CD163: variants seen among roughly 807,000 people sequenced by gnomAD.
The protein encoded by CD163 is scavenger receptor cysteine-rich type 1 protein M130.
A neutral mutation model predicts 129.2 loss-of-function variants in CD163; 64 were observed. The observed-to-expected ratio is 0.50, with a 90% CI of 0.41 to 0.61. The LOEUF (loss-of-function observed/expected upper bound fraction) is 0.61. Ranked by LOEUF, CD163 falls within the 20% of genes least tolerant of loss-of-function variation. The pLI, the probability that CD163 is intolerant of heterozygous loss-of-function variation, is 0.00. For missense variants in CD163, 1,061 were observed against 1,377.9 expected (o/e 0.77, Z 3.64); for synonymous variants, 446 against 478.5 (o/e 0.93, Z 0.89).
At chr12:7,490,259 T>A (rs1949310001) in intron 6 of CD163, among the ~76,000 whole-genome samples, 1 of 151,976 alleles carries the variant, frequency 6.6e-6, no homozygotes, top group Non-Finnish European at 1.5e-5. Flanking sequence ...AAACAATCTT[T>A]AAGGAATATG....
chr12:7,486,516 G>T lies in CD163; in HGVS notation c.2441C>A (p.Ala814Glu). The T allele has an allele frequency of 6.2e-7, 1 of 1,613,846 alleles. No homozygotes were observed. Among genetic ancestry groups the T allele is most frequent in the Non-Finnish European group, 8.5e-7 (1 of 1,179,816 alleles). ...GQQNCRHKED[A>E]GVICSEFMSL... ...TAATTTACCTGAGCAGATAACTCCC[G>T]CATCCTCCTTGTGCCTGCAATTTTG... The change falls in exon 10 of 17, where the codon GCG becomes GAG. Residue 814 changes from alanine (A) to glutamate (E), a missense_variant. Transcript: ENST00000432237.
chr12:7,476,319 G>A lies in CD163; in HGVS notation c.*31+3541C>T, dbSNP rs143736947. On this transcript the variant is annotated intron_variant, in intron 16 of 16. Transcript: ENST00000432237. ...AAAAGAACAGAGCTGGAAGCATCAC[G>A]CTATCTGACTTCAAACTTACTGCAA... Among the ~76,000 whole-genome samples the A allele has an allele frequency of 1.1e-3, 172 of 152,218 alleles. 1 individual carries two copies. The highest frequency in any genetic ancestry group is 3.8e-3 in the African/African-American group (159 of 41,548).
At chr12:7,491,530 A>G (rs1949327204) in intron 6 of CD163, among the ~76,000 whole-genome samples, 3 of 152,108 alleles carry the variant, frequency 2.0e-5, no homozygotes, top group Non-Finnish European at 4.4e-5. Context: ...TTCCCCTGGC[A>G]TAAGTAACTG....
chr12:7,498,033 G>T (rs1949425972), intron 4 of CD163, among the ~76,000 whole-genome samples: 1 of 152,054 alleles, frequency 6.6e-6, no homozygotes, highest in African/African-American at 2.4e-5. Flanking sequence ...ATCCAACCAT[G>T]CATGAGGCTA....
chr12:7,483,022 G>C lies in CD163; in HGVS notation c.3089-18C>G, dbSNP rs1276690988. On this transcript the variant is annotated intron_variant, in intron 12 of 16. Transcript: ENST00000432237. ...TGAAATATCTGTAGGAGAAAAGAAA[G>C]AGAGAGGGTTAATTCTTTGCATGAT... 3 of 1,612,044 alleles carry C rather than the reference G, an allele frequency of 1.9e-6. No homozygotes were observed. The highest frequency in any genetic ancestry group is 2.5e-6 in the Non-Finnish European group (3 of 1,179,092).
At chr12:7,475,459 A>G (rs1476499649) in intron 16 of CD163, among the ~76,000 whole-genome samples, 1 of 152,232 alleles carries the variant, frequency 6.6e-6, no homozygotes, top group Non-Finnish European at 1.5e-5. Flanking sequence ...AACGTAATCC[A>G]TCATATAAAC....
chr12:7,503,305 A>T (rs187597095), intron 1 of CD163, among the ~76,000 whole-genome samples: 2 of 152,240 alleles, frequency 1.3e-5, no homozygotes, highest in South Asian at 4.1e-4. Context: ...ATCAGAGTAG[A>T]TAACTTTCTT....
Position 7,481,024 on chromosome 12 carries a change from T to C in CD163, c.3343+137A>G, listed in dbSNP as rs375298330. 492 of 1,393,158 alleles carry C rather than the reference T, an allele frequency of 3.5e-4. 2 individuals carry two copies. In the South Asian group the frequency reaches 4.3e-3, roughly 12 times the overall value. 86.3% of individuals were successfully genotyped at this position (1,393,158 alleles called of 1,614,324 possible). On this transcript the variant is annotated intron_variant, in intron 15 of 16. Transcript: ENST00000432237. ...CTCCAAGAATAATTTTCAGTCATTC[T>C]TGTCCATTATATGCATCTAAGCTTC...
At position 7,496,765 on chromosome 12, in the gene CD163, G is replaced by A; in HGVS notation, c.1099+48C>T. On this transcript the variant is annotated intron_variant, in intron 5 of 16. Coordinates refer to ENST00000432237, the MANE Select transcript of CD163 (RefSeq NM_203416.4). The surrounding 1 kb of genome is among the most constrained non-coding windows in gnomAD (Gnocchi z 4.8). ...AAGGAGCACAGGACTTTCCGTTTCT[G>A]CTTTTCTTTTTGTTTAGTGTTTTGG... is the stretch of plus-strand genomic sequence containing the variant. 2 of 1,548,158 alleles carry A rather than the reference G, an allele frequency of 1.3e-6. No individual in the cohort carries two copies. The highest frequency in any genetic ancestry group is 1.8e-6 in the Non-Finnish European group (2 of 1,121,950).
chr12:7,482,026 G>T (rs1863183492), intron 14 of CD163, among the ~76,000 whole-genome samples: 1 of 151,826 alleles, frequency 6.6e-6, no homozygotes, highest in African/African-American at 2.4e-5. Context: ...TGCCACTTTT[G>T]TTCCTTTTTC....
At chr12:7,479,829 G>T in intron 16 of CD163, 31 bp downstream of exon 16, 2 of 1,604,592 alleles carry the variant, frequency 1.2e-6, no homozygotes, top group South Asian at 2.3e-5. Context: ...CAGCTGTTTT[G>T]AACAATGACT....
intron 3 of CD163, among the ~76,000 whole-genome samples, chr12:7,500,395 T>C (rs757021936): frequency 9.2e-6 from 1 of 108,548 alleles, no homozygotes; most frequent in African/African-American, 3.7e-5. Flanking sequence ...CACTCCAGCC[T>C]GGGGGACAAG....
rs1421972729 is a variant in CD163 at position 7,495,358 on chromosome 12, G to A, written c.1143C>T (p.Arg381=). ...LELRLRGGGS[R]CAGTVEVEIQ... ...TCTCCACCTCAACTGTCCCAGCACA[G>A]CGGCTGCCTCCACCTCTAAGTCTTA... is the stretch of plus-strand genomic sequence containing the variant. The change falls in exon 6 of 17, where the codon CGC becomes CGT. Residue 381 remains arginine (R), a synonymous_variant. Transcript: ENST00000432237. The A allele has an allele frequency of 6.2e-7, 1 of 1,613,962 alleles. No individual in the cohort carries two copies. Among genetic ancestry groups the A allele is most frequent in the Non-Finnish European group, 8.5e-7 (1 of 1,180,002 alleles).
intron 6 of CD163, among the ~76,000 whole-genome samples, chr12:7,491,659 A>G (rs181324622): frequency 9.9e-5 from 15 of 152,262 alleles, no homozygotes; most frequent in Admixed American, 9.2e-4. Flanking sequence ...AAAATATACA[A>G]TTATGATTTA....
intron 6 of CD163, among the ~76,000 whole-genome samples, chr12:7,491,974 G>A (rs2136720142): frequency 6.6e-6 from 1 of 152,120 alleles, no homozygotes; most frequent in South Asian, 2.1e-4. Context: ...GTATAGCCCT[G>A]TACTATATAA....
intron 16 of CD163, among the ~76,000 whole-genome samples, chr12:7,478,962 C>T (rs192118798): frequency 7.2e-5 from 11 of 151,994 alleles, no homozygotes; most frequent in African/African-American, 1.2e-4. Flanking sequence ...CTTAACTATA[C>T]GTCTTGTTCA....
In CD163 at chr12:7,495,371, C is replaced by A; in HGVS notation, c.1130G>T (p.Gly377Val). ...DGSDLELRLR[G>V]GGSRCAGTVE... ...TGTCCCAGCACAGCGGCTGCCTCCA[C>A]CTCTAAGTCTTAGCTCCAGATCTGA... The change falls in exon 6 of 17, where the codon GGT becomes GTT. Residue 377 changes from glycine (G) to valine (V), a missense_variant. Gly to Val is a moderately radical substitution (Grantham distance 109). Transcript: ENST00000432237. 6.2e-7 allele frequency: 1 copy of A among 1,614,098 alleles called. No individual in the cohort carries two copies. Among genetic ancestry groups the A allele is most frequent in the Non-Finnish European group, 8.5e-7 (1 of 1,179,984 alleles).
At chr12:7,501,026 T>C in intron 3 of CD163, 113 bp downstream of exon 3, 1 of 853,578 alleles carries the variant, frequency 1.2e-6, no homozygotes. Flanking sequence ...AGTACTTTTA[T>C]ACATGAACTA....
At position 7,496,932 on chromosome 12, in the gene CD163, T is replaced by A; in HGVS notation, c.980A>T (p.His327Leu). Reference protein sequence around the residue: ...GRVNASKGFGHIWLDSVSCQG... With the variant: ...GRVNASKGFGLIWLDSVSCQG... ...GCAAGAAACGCTGTCAAGCCAGATG[T>A]GTCCAAATCCCTTACTGGCGTTAAC... The change falls in exon 5 of 17, where the codon CAC becomes CTC. Residue 327 changes from histidine to leucine, a missense_variant. Coordinates refer to ENST00000432237, the MANE Select transcript of CD163 (RefSeq NM_203416.4). This position sits in a 1 kb window ranked among gnomAD's most constrained non-coding sequence, Gnocchi z 4.8. The A allele has an allele frequency of 5.0e-6, 8 of 1,614,134 alleles. No individual in the cohort carries two copies. Among genetic ancestry groups the A allele is most frequent in the Non-Finnish European group, 6.8e-6 (8 of 1,180,004 alleles).
Sources: gnomAD v4.1 joint callset for allele counts (sites outside exome capture counted in the v4.1 genomes callset) on GRCh38, gnomAD v4.1.1 for gene constraint, Gnocchi (gnomAD v3.1) non-coding constraint, MANE v1.5 for transcripts, NCBI Gene and HGNC (gene_info 2026-07-23, HGNC 2026-07-21) for gene names.